JAML: variants seen among roughly 807,000 people sequenced by gnomAD.
The protein encoded by JAML is junctional adhesion molecule-like.
A neutral mutation model predicts 39.3 loss-of-function variants in JAML; 25 were observed. That is an observed-to-expected ratio of 0.64 (90% CI 0.46 to 0.89). The LOEUF (loss-of-function observed/expected upper bound fraction) is 0.89, where lower values mean the gene tolerates loss of function less well. JAML is among the 40% of genes least tolerant of loss of function. The pLI is 0.00. For missense variants in JAML, 440 were observed against 486.9 expected (o/e 0.90, Z 0.91); for synonymous variants, 162 against 179.2 (o/e 0.90, Z 0.77).
intron 4 of JAML, among the ~76,000 whole-genome samples, chr11:118,208,520 G>T (rs1311177950): frequency 6.6e-6 from 1 of 152,230 alleles, no homozygotes; most frequent in Admixed American, 6.5e-5. Flanking sequence ...AAGTGAATAG[G>T]TGTGATGAGT....
chr11:118,196,614 T>C (rs1948661638), intron 9 of JAML, 121 bp downstream of exon 9: 2 of 785,028 alleles, frequency 2.5e-6, no homozygotes, highest in Non-Finnish European at 4.4e-6. Context: ...TCTCAGACTT[T>C]TCTGCTACTT....
intron 8 of JAML, 44 bp downstream of exon 8, chr11:118,197,954 A>G (rs1426206175): frequency 1.2e-5 from 19 of 1,562,840 alleles, no homozygotes; most frequent in Non-Finnish European, 1.6e-5. Context: ...AGAACGGCCC[A>G]GGCCTGCATC....
At chr11:118,216,056 G>A (rs553556275) in intron 1 of JAML, among the ~76,000 whole-genome samples, 3 of 152,206 alleles carry the variant, frequency 2.0e-5, no homozygotes. Flanking sequence ...TGGCACATAC[G>A]GTAGCCATTT....
chr11:118,224,254 CTCT>C (rs1039194692), intron 1 of JAML, among the ~76,000 whole-genome samples: 1 of 152,196 alleles, frequency 6.6e-6, no homozygotes, highest in African/African-American at 2.4e-5. Context: ...TACTCCTGCT[CTCT>C]TCTCCAGAGT....
intron 5 of JAML, 71 bp downstream of exon 5, chr11:118,205,811 C>G: frequency 1.4e-6 from 2 of 1,423,938 alleles, no homozygotes; most frequent in South Asian, 2.3e-5. Context: ...CCTCATGTGC[C>G]TGATTCTACC....
chr11:118,206,048 G>C (rs1948909589), intron 4 of JAML, 57 bp from the exon 5 acceptor site: 2 of 1,459,642 alleles, frequency 1.4e-6, no homozygotes, highest in East Asian at 2.3e-5. Flanking sequence ...AGAAGTCAAA[G>C]AATTTCTAGA....
intron 2 of JAML, 74 bp downstream of exon 2, chr11:118,214,749 TA>T: frequency 6.8e-7 from 1 of 1,461,988 alleles, no homozygotes; most frequent in Non-Finnish European, 9.5e-7. Flanking sequence ...CGAAAATATG[TA>T]AAATTGGCTT....
At chr11:118,200,173 A>G (rs1948751853) in intron 7 of JAML, among the ~76,000 whole-genome samples, 1 of 152,188 alleles carries the variant, frequency 6.6e-6, no homozygotes, top group Non-Finnish European at 1.5e-5. Flanking sequence ...AGTGAATGGT[A>G]CCATGATAGT....
intron 1 of JAML, among the ~76,000 whole-genome samples, chr11:118,224,394 A>AT (rs1843608055): frequency 6.6e-6 from 1 of 152,202 alleles, no homozygotes; most frequent in African/African-American, 2.4e-5. Flanking sequence ...AAGGTTAAAT[A>AT]TTGGTTTGTC....
rs535535819 is a variant in JAML at position 118,214,968 on chromosome 11, G to A, written c.-20-82C>T. ...AAAAACCAATAGTGAAGGACTATAC[G>A]GAGCAGCCTCTGTTTGAGACACTGG... On this transcript the variant is annotated intron_variant, in intron 1 of 9. Transcript: ENST00000356289. 78 of 1,265,970 alleles carry A rather than the reference G, an allele frequency of 6.2e-5. 2 individuals carry two copies. Among genetic ancestry groups the A allele is most frequent in the Admixed American group, 2.3e-4 (13 of 55,694 alleles). 78.4% of individuals were successfully genotyped at this position (1,265,970 alleles called of 1,614,324 possible).
At chr11:118,197,786 G>A in intron 8 of JAML, 1 of 533,552 alleles carries the variant, frequency 1.9e-6, no homozygotes, top group East Asian at 3.3e-5. Flanking sequence ...CCCAATACCA[G>A]GATCTGCTGC....
At chr11:118,208,702 T>A (rs1286425844) in intron 4 of JAML, among the ~76,000 whole-genome samples, 5 of 152,250 alleles carry the variant, frequency 3.3e-5, no homozygotes. Flanking sequence ...TCTTAAAGAA[T>A]GCATCTAGTT....
At chr11:118,224,399 T>C (rs1185827837) in intron 1 of JAML, among the ~76,000 whole-genome samples, 2 of 152,194 alleles carry the variant, frequency 1.3e-5, no homozygotes, top group Non-Finnish European at 2.9e-5. Flanking sequence ...TAAATATTGG[T>C]TTGTCTATAA....
intron 2 of JAML, chr11:118,212,826 T>C: frequency 1.2e-6 from 2 of 1,613,298 alleles, no homozygotes; most frequent in Admixed American, 1.7e-5. Flanking sequence ...TTTTCTGGAA[T>C]TCTTCCTCCC....
In JAML at chr11:118,203,639, G is replaced by A; in HGVS notation, c.561C>T (p.His187=). The change falls in exon 6 of 10, where the codon CAC becomes CAT. Residue 187 remains histidine (H), a synonymous_variant. Transcript: ENST00000356289. ...AGTACTCCACAGACATCCTGAGTTT[G>A]TGGTAGTAACGAAATACAATCTCCT... ...AKEEIVFRYY[H]KLRMSVEYSQ... The A allele has an allele frequency of 6.2e-7, 1 of 1,613,808 alleles. No homozygotes were observed. The highest frequency in any genetic ancestry group is 8.5e-7 in the Non-Finnish European group (1 of 1,179,728).
rs1037634217 is a variant in JAML, at chr11:118,223,251, C to A, written c.-21+1690G>T. On this transcript the variant is annotated intron_variant, in intron 1 of 9. Transcript: ENST00000356289. ...TTACTTAGTTTTTCCATAGGTCGAA[C>A]ACTGAAATAAAAGCACACTGATGTA... Among the ~76,000 whole-genome samples the A allele has an allele frequency of 2.0e-5, 3 of 152,072 alleles. No homozygotes were observed. In the East Asian group the frequency reaches 5.8e-4, roughly 29 times the overall value.
chr11:118,198,059 G>A lies in JAML; in HGVS notation c.944C>T (p.Thr315Met). 1 of 1,614,034 alleles carries A rather than the reference G, an allele frequency of 6.2e-7. No homozygotes were observed. ...SVNSTVLVKN[T>M]KKTNPEIKEK... ...TTTTATCTCTGGATTAGTCTTCTTC[G>A]TGTTCTTCACCAAGACTGTAGAATT... is the stretch of plus-strand genomic sequence containing the variant. The change falls in exon 8 of 10, where the codon ACG (threonine) becomes ATG (methionine). Residue 315 changes from threonine (T) to methionine (M), a missense_variant. Physicochemically the swap from Thr to Met is moderately conservative, Grantham distance 81. Transcript: ENST00000356289.
chr11:118,213,830 C>A (rs561579223), intron 2 of JAML, among the ~76,000 whole-genome samples: 1 of 152,270 alleles, frequency 6.6e-6, no homozygotes, highest in African/African-American at 2.4e-5. Flanking sequence ...CTCTCTGGAT[C>A]GGAGGGCAAA....
chr11:118,202,994 C>T (rs1471585383), intron 6 of JAML: 3 of 458,130 alleles, frequency 6.5e-6, no homozygotes, highest in South Asian at 1.5e-5. Context: ...CTGCATGTTC[C>T]TCTCTGTTCC....
Sources: gnomAD v4.1 joint callset for allele counts (sites outside exome capture counted in the v4.1 genomes callset) on GRCh38, gnomAD v4.1.1 for gene constraint, MANE v1.5 for transcripts, NCBI Gene and HGNC (gene_info 2026-07-23, HGNC 2026-07-21) for gene names.